DMXL2: variants seen among roughly 807,000 people sequenced by gnomAD.
The protein encoded by DMXL2 is dmX-like protein 2.
In DMXL2, 103 loss-of-function variants were observed where a neutral mutation model predicts 331.1. The observed-to-expected ratio is 0.31, with a 90% CI of 0.27 to 0.37. DMXL2 has a LOEUF of 0.37. Ranked by LOEUF, DMXL2 falls within the 10% of genes least tolerant of loss-of-function variation. DMXL2 has a pLI of 1.00. For synonymous variants in DMXL2, 1,281 were observed against 1,252.1 expected, an observed-to-expected ratio of 1.02 and a Z score of -0.49; for missense variants, 3,171 against 3,642.9, an observed-to-expected ratio of 0.87 and a Z score of 3.33.
At chr15:51,532,636 T>A (rs2048067964) in intron 13 of DMXL2, among the ~76,000 whole-genome samples, 1 of 152,156 alleles carries the variant, frequency 6.6e-6, no homozygotes, top group Admixed American at 6.6e-5. Context: ...ACATTTCATG[T>A]ACCCCACAAA....
At chr15:51,476,480 A>G (rs1270547207) in intron 27 of DMXL2, 109 bp downstream of exon 27, 9 of 1,274,246 alleles carry the variant, frequency 7.1e-6, no homozygotes, top group Non-Finnish European at 8.8e-6. Flanking sequence ...ACAAAGAAAG[A>G]AAGGAACCAC....
At chr15:51,562,817 T>A (rs911015826) in intron 6 of DMXL2, among the ~76,000 whole-genome samples, 1 of 152,168 alleles carries the variant, frequency 6.6e-6, no homozygotes, top group Non-Finnish European at 1.5e-5. Flanking sequence ...TATGTGTATA[T>A]ATTAGATGTG....
At chr15:51,465,895 T>C (rs1251235903) in intron 30 of DMXL2, among the ~76,000 whole-genome samples, 1 of 152,160 alleles carries the variant, frequency 6.6e-6, no homozygotes, top group East Asian at 1.9e-4. Flanking sequence ...TGAAACCTAA[T>C]AGTATACCAA....
At chr15:51,487,354 G>T (rs936948942) in intron 22 of DMXL2, among the ~76,000 whole-genome samples, 1 of 152,130 alleles carries the variant, frequency 6.6e-6, no homozygotes, top group Non-Finnish European at 1.5e-5. Flanking sequence ...AAACAGTTCA[G>T]AATCACAAGA....
intron 33 of DMXL2, among the ~76,000 whole-genome samples, chr15:51,462,355 G>A (rs1809170972): frequency 6.6e-6 from 1 of 151,714 alleles, no homozygotes; most frequent in Non-Finnish European, 1.5e-5. Context: ...TTTTTTTTGA[G>A]ACAGAGTTTC....
chr15:51,488,399 T>C (rs1430586065), intron 21 of DMXL2, 149 bp downstream of exon 21: 3 of 760,670 alleles, frequency 3.9e-6, no homozygotes, highest in Non-Finnish European at 6.4e-6. Context: ...AAAGATATTT[T>C]ACCCATTTTT....
intron 20 of DMXL2, among the ~76,000 whole-genome samples, chr15:51,491,072 T>C (rs1005719320): frequency 2.0e-5 from 3 of 152,184 alleles, no homozygotes; most frequent in South Asian, 2.1e-4. Flanking sequence ...ATTCAGCCTA[T>C]ATAGAAAGAC....
chr15:51,453,777 A>G (rs1004287330), intron 40 of DMXL2, 136 bp from the exon 41 acceptor site: 32 of 662,180 alleles, frequency 4.8e-5, no homozygotes, highest in Non-Finnish European at 6.9e-5. Flanking sequence ...CTAGGATAAA[A>G]GAATAAGTGA....
rs764887381 is a variant in DMXL2, at chr15:51,507,189, A to G, written c.2709T>C (p.Asn903=). 15 of 1,611,236 alleles carry G rather than the reference A, an allele frequency of 9.3e-6. No homozygotes were observed. In the African/African-American group the frequency reaches 1.6e-4, roughly 17 times the overall value. The part of the protein sequence containing the change: ...FLVVIEKDSN[N]NSILHMWHLH... Reference sequence around the variant, plus strand: ...GGTGCCACATATGCAGAATAGAGTTATTATTGCTGTCCTTCTCAATTACTA... The same window carrying G: ...GGTGCCACATATGCAGAATAGAGTTGTTATTGCTGTCCTTCTCAATTACTA... The change falls in exon 16 of 44, where the codon AAT becomes AAC. Residue 903 remains asparagine (N), a synonymous_variant. Transcript: ENST00000560891.
intron 19 of DMXL2, 123 bp downstream of exon 19, chr15:51,494,901 C>T (rs2140457947): frequency 1.8e-6 from 1 of 565,894 alleles, no homozygotes; most frequent in South Asian, 2.7e-5. Context: ...ACAGAAAGAT[C>T]TTAAGCCAAG....
At chr15:51,525,878 C>G (rs558509292) in intron 13 of DMXL2, among the ~76,000 whole-genome samples, 4 of 152,026 alleles carry the variant, frequency 2.6e-5, no homozygotes, top group African/African-American at 7.2e-5. Context: ...AACTTGTCAC[C>G]CTAAAGGGAA....
At chr15:51,605,278 G>A (rs542865796) in intron 1 of DMXL2, among the ~76,000 whole-genome samples, 216 of 152,192 alleles carry the variant, frequency 1.4e-3, no homozygotes, top group Admixed American at 4.9e-3. Context: ...TCAGCTCACT[G>A]CCACCTCTAC....
intron 1 of DMXL2, among the ~76,000 whole-genome samples, chr15:51,591,130 G>A (rs1432566957): frequency 6.6e-6 from 1 of 152,216 alleles, no homozygotes; most frequent in South Asian, 2.1e-4. Context: ...GAAGCAGGGC[G>A]AGGCATCGCC....
intron 19 of DMXL2, among the ~76,000 whole-genome samples, chr15:51,494,493 T>G (rs1034239045): frequency 6.6e-6 from 1 of 152,160 alleles, no homozygotes; most frequent in Non-Finnish European, 1.5e-5. Context: ...TAGTTTCAAT[T>G]TTTTAATCTG....
chr15:51,502,275 GAT>G (rs2043695193), intron 17 of DMXL2, among the ~76,000 whole-genome samples: 1 of 148,184 alleles, frequency 6.7e-6, no homozygotes, highest in Non-Finnish European at 1.5e-5. Flanking sequence ...CTGTCAAGCT[GAT>G]TACATTTATC....
intron 1 of DMXL2, among the ~76,000 whole-genome samples, chr15:51,579,771 A>C (rs527395048): frequency 6.6e-6 from 1 of 152,316 alleles, no homozygotes; most frequent in South Asian, 2.1e-4. Flanking sequence ...TCCAGCTAAC[A>C]GTATCAATAA....
At chr15:51,511,010 A>G (rs531913271) in intron 15 of DMXL2, among the ~76,000 whole-genome samples, 1 of 152,276 alleles carries the variant, frequency 6.6e-6, no homozygotes, top group East Asian at 1.9e-4. Context: ...CTGAAACTGG[A>G]CCCCTTTCTT....
In DMXL2 at chr15:51,534,462, G is replaced by A. The variant is rs376915828; in HGVS notation, c.2436+1201C>T. ...GTAGAATGTACACAAAACAAATAGC[G>A]TTTCAATATGATTGTGTGAGCTATT... On this transcript the variant is annotated intron_variant, in intron 13 of 43. Transcript: ENST00000560891. Among the ~76,000 whole-genome samples, 23 of 152,260 alleles carry A rather than the reference G, an allele frequency of 1.5e-4. No individual in the cohort carries two copies. The East Asian group carries it at 2.1e-3, about 14-fold the overall frequency.
At chr15:51,597,448 T>C (rs539700420) in intron 1 of DMXL2, among the ~76,000 whole-genome samples, 1 of 152,352 alleles carries the variant, frequency 6.6e-6, no homozygotes, top group African/African-American at 2.4e-5. Context: ...TTTGTGTCTC[T>C]TTCTCTGAAC....
Sources: gnomAD v4.1 joint callset for allele counts (sites outside exome capture counted in the v4.1 genomes callset) on GRCh38, gnomAD v4.1.1 for gene constraint, MANE v1.5 for transcripts, NCBI Gene and HGNC (gene_info 2026-07-23, HGNC 2026-07-21) for gene names.